The following TBXAS1 variants were observed in gnomAD, a reference collection of about 807,000 sequenced individuals.
TBXAS1 encodes thromboxane-A synthase.
Under a neutral mutation model 60.7 loss-of-function variants are expected in TBXAS1, and 48 were observed. That is an observed-to-expected ratio of 0.79 (90% CI 0.63 to 1.01). The LOEUF is 1.01. Among genes scored for constraint, TBXAS1 ranks in the 50% least tolerant of loss-of-function variants. The pLI is 0.00. For missense variants in TBXAS1, 685 were observed against 686.3 expected, an observed-to-expected ratio of 1.00 and a Z score of 0.02; for synonymous variants, 287 against 269.7, an observed-to-expected ratio of 1.06 and a Z score of -0.63.
intron 4 of TBXAS1, among the ~76,000 whole-genome samples, chr7:139,911,978 C>A (rs1805561327): frequency 6.6e-6 from 1 of 152,188 alleles, no homozygotes; most frequent in African/African-American, 2.4e-5. Flanking sequence ...TACCTGTAGT[C>A]CCCACACTTT....
intron 9 of TBXAS1, among the ~76,000 whole-genome samples, chr7:140,005,497 C>G (rs1318599015): frequency 6.6e-6 from 1 of 152,062 alleles, no homozygotes; most frequent in Non-Finnish European, 1.5e-5. Context: ...GAGGATTAAC[C>G]CCCGCACAGA....
At chr7:139,935,699 T>C (rs1266943405) in intron 4 of TBXAS1, among the ~76,000 whole-genome samples, 1 of 151,728 alleles carries the variant, frequency 6.6e-6, no homozygotes, top group East Asian at 1.9e-4. Flanking sequence ...CTTTCCTTTT[T>C]CCCCCTTCCC....
intron 4 of TBXAS1, among the ~76,000 whole-genome samples, chr7:139,931,803 C>T (rs1807351588): frequency 6.6e-6 from 1 of 152,076 alleles, no homozygotes; most frequent in African/African-American, 2.4e-5. Context: ...ATCACTCATT[C>T]CTTTGGGGAA....
chr7:139,844,826 G>A (rs1212055720), intron 1 of TBXAS1, among the ~76,000 whole-genome samples: 2 of 152,206 alleles, frequency 1.3e-5, no homozygotes, highest in African/African-American at 4.8e-5. Flanking sequence ...CAGGAGAAGT[G>A]TGGCATTGTG....
intron 1 of TBXAS1, among the ~76,000 whole-genome samples, chr7:139,839,695 A>AAAAAAAAC (rs1554472247): frequency 6.9e-6 from 1 of 145,812 alleles, no homozygotes. Flanking sequence ...AAAAAAAAAA[A>AAAAAAAAC]CAAATCAAAA....
intron 9 of TBXAS1, among the ~76,000 whole-genome samples, chr7:139,993,892 C>CTTTT (rs71170931): frequency 3.2e-3 from 358 of 111,612 alleles, no homozygotes; most frequent in Middle Eastern, 4.7e-3. Flanking sequence ...TTCTTTCTTT[C>CTTTT]TTTTTTTTTT....
Position 140,017,699 on chromosome 7 carries a change from C to T in TBXAS1, c.1393C>T (p.Arg465Trp), listed in dbSNP as rs199972292. The T allele has an allele frequency of 2.3e-5, 37 of 1,613,640 alleles. No individual in the cohort carries two copies. Among genetic ancestry groups the T allele is most frequent in the Middle Eastern group, 1.7e-4 (1 of 5,878 alleles). ...CACGGCTGAGGCCCGGCAGCAGCAC[C>T]GGCCCTTCACGTACCTGCCCTTCGG... ...RFTAEARQQH[R>W]PFTYLPFGAG... Residue 465 changes from arginine (R) to tryptophan (W), a missense_variant, in exon 12 of 13, where the codon CGG (arginine) becomes TGG (tryptophan). Arg to Trp is a moderately radical substitution (Grantham distance 101). Transcript: ENST00000448866.
At chr7:139,868,930 G>A (rs1488377044) in intron 1 of TBXAS1, among the ~76,000 whole-genome samples, 1 of 151,892 alleles carries the variant, frequency 6.6e-6, no homozygotes, top group Non-Finnish European at 1.5e-5. Flanking sequence ...TGGGATTACA[G>A]GCACGAGCCA....
At chr7:139,794,760 C>A (rs1344623804) in intron 4 of TBXAS1, among the ~76,000 whole-genome samples, 6 of 147,698 alleles carry the variant, frequency 4.1e-5, no homozygotes, top group East Asian at 4.0e-4. Flanking sequence ...TGAGAATATG[C>A]GGTGTTTGGT....
chr7:139,911,288 G>C lies in TBXAS1; in HGVS notation c.300G>C (p.Leu100Phe). The C allele has an allele frequency of 6.2e-7, 1 of 1,614,116 alleles. No homozygotes were observed. The highest frequency in any genetic ancestry group is 8.5e-7 in the Non-Finnish European group (1 of 1,180,006). Residue 100 changes from leucine (L) to phenylalanine (F), a missense_variant, in exon 4 of 13, where the codon TTG (leucine) becomes TTC (phenylalanine). Transcript: ENST00000448866. ...AGCCAGACATGATCAAGCAGGTGTT[G>C]GTTGAGAACTTCAGTAACTTTACCA... ...ISEPDMIKQV[L>F]VENFSNFTNR...
intron 9 of TBXAS1, among the ~76,000 whole-genome samples, chr7:139,963,384 C>T (rs188096584): frequency 1.6e-4 from 25 of 152,336 alleles, no homozygotes; most frequent in African/African-American, 5.3e-4. Context: ...TTCCTCCAGC[C>T]TCGTGTCATC....
At chr7:139,802,534 C>A (rs1051956379) in intron 4 of TBXAS1, among the ~76,000 whole-genome samples, 1 of 152,286 alleles carries the variant, frequency 6.6e-6, no homozygotes, top group African/African-American at 2.4e-5. Context: ...CCTGTAATTC[C>A]AGCACTTTGG....
rs112952266 is a variant in TBXAS1, at chr7:139,896,306, A to T, written c.237-14919A>T. Among the ~76,000 whole-genome samples the T allele has an allele frequency of 1.3e-5, 2 of 152,292 alleles. No individual in the cohort carries two copies. The highest frequency in any genetic ancestry group is 4.8e-5 in the African/African-American group (2 of 41,556). The stretch of plus-strand genomic sequence containing the variant: ...AAGGGTCCATGAAGCCTTCACAAAG[A>T]GGGGCAGGTGACCCGACTGTCTGAA... On this transcript the variant is annotated intron_variant, in intron 3 of 12. Coordinates refer to ENST00000448866, the MANE Select transcript of TBXAS1 (RefSeq NM_001061.7). This position sits in a 1 kb window ranked among gnomAD's most constrained non-coding sequence, Gnocchi z 4.0.
intron 1 of TBXAS1, among the ~76,000 whole-genome samples, chr7:139,842,410 C>T (rs1435301720): frequency 6.6e-6 from 1 of 152,178 alleles, no homozygotes; most frequent in East Asian, 1.9e-4. Context: ...TCCCCTAACC[C>T]TAGTGCCATA....
At position 140,015,708 on chromosome 7, in the gene TBXAS1, T is replaced by TCA. The variant is rs1569525352; in HGVS notation, c.1227-15_1227-14insCA. The TCA allele has an allele frequency of 6.2e-7, 1 of 1,612,722 alleles. No homozygotes were observed. The highest frequency in any genetic ancestry group is 1.7e-5 in the Admixed American group (1 of 60,032). On this transcript the variant is annotated splice_polypyrimidine_tract_variant and intron_variant, in intron 10 of 12. Coordinates refer to ENST00000448866, the MANE Select transcript of TBXAS1 (RefSeq NM_001061.7). ...CTCTTCTCTGTATCCACCCCCGACCTGGTGTTTCCCTCAGATTCACACGGG... is the reference window on the plus strand; with the variant it reads ...CTCTTCTCTGTATCCACCCCCGACCTCAGGTGTTTCCCTCAGATTCACACGGG...
chr7:139,881,866 A>T (rs1301771162), intron 3 of TBXAS1, among the ~76,000 whole-genome samples: 1 of 152,206 alleles, frequency 6.6e-6, no homozygotes, highest in Non-Finnish European at 1.5e-5. Context: ...CACCATTTTT[A>T]AAATTTAATT....
At chr7:139,847,425 C>T (rs1799892665) in intron 1 of TBXAS1, among the ~76,000 whole-genome samples, 1 of 152,154 alleles carries the variant, frequency 6.6e-6, no homozygotes, top group Non-Finnish European at 1.5e-5. Context: ...TCATCCAAGC[C>T]CTTACCCACA....
chr7:140,001,610 C>T (rs569619768), intron 9 of TBXAS1, among the ~76,000 whole-genome samples: 4 of 152,244 alleles, frequency 2.6e-5, no homozygotes, highest in South Asian at 2.1e-4. Flanking sequence ...AGGTTGGTCT[C>T]GAACTCCTGG....
chr7:139,976,662 A>G (rs1811584676), intron 9 of TBXAS1, among the ~76,000 whole-genome samples: 1 of 152,134 alleles, frequency 6.6e-6, no homozygotes, highest in Non-Finnish European at 1.5e-5. Context: ...GAACTTTTAC[A>G]AACTGTAGCT....
Sources: allele counts gnomAD v4.1 joint callset (sites outside exome capture counted in the v4.1 genomes callset), GRCh38; gene constraint gnomAD v4.1.1; non-coding constraint Gnocchi (gnomAD v3.1); transcripts MANE v1.5; gene names NCBI Gene and HGNC (gene_info 2026-07-23, HGNC 2026-07-21).